Variants in DNM3 observed in about 807,000 individuals in gnomAD.
DNM3 encodes the protein dynamin-3.
Under a neutral mutation model 101.6 loss-of-function variants are expected in DNM3, and 47 were observed. The observed-to-expected ratio is 0.46, with a 90% CI of 0.37 to 0.59. DNM3 has a LOEUF of 0.59. DNM3 is among the 20% of genes least tolerant of loss of function. The pLI, the probability that DNM3 is intolerant of heterozygous loss-of-function variation, is 0.00. For synonymous variants in DNM3, 385 were observed against 387.9 expected (o/e 0.99, Z 0.09); for missense variants, 849 against 1,085.7 (o/e 0.78, Z 3.06).
At chr1:172,029,100 C>A (rs1045740322) in intron 4 of DNM3, among the ~76,000 whole-genome samples, 4 of 152,004 alleles carry the variant, frequency 2.6e-5, no homozygotes, top group Non-Finnish European at 5.9e-5. Flanking sequence ...GGTGGAGACA[C>A]AATAAAAAAA....
intron 2 of DNM3, among the ~76,000 whole-genome samples, chr1:171,963,269 A>G (rs556236762): frequency 1.3e-5 from 2 of 152,324 alleles, no homozygotes; most frequent in East Asian, 3.9e-4. Flanking sequence ...AGTGAAAGGT[A>G]TCAATCTGAA....
At chr1:171,898,680 G>A (rs1013966846) in intron 1 of DNM3, among the ~76,000 whole-genome samples, 19 of 106,432 alleles carry the variant, frequency 1.8e-4, no homozygotes, top group Non-Finnish European at 2.8e-4. Context: ...ATTTAAAAGT[G>A]TGTGTGTATA....
At chr1:171,874,411 G>A (rs2035572463) in intron 1 of DNM3, among the ~76,000 whole-genome samples, 2 of 152,170 alleles carry the variant, frequency 1.3e-5, no homozygotes, top group African/African-American at 2.4e-5. Flanking sequence ...ATTGGTACAA[G>A]TCAAAATAAT....
rs1435263935 is a variant in DNM3, at chr1:172,388,804, C to A, written c.2517C>A (p.Val839=). Residue 839 remains valine (V), a synonymous_variant, in exon 20 of 21, where the codon GTC becomes GTA. Transcript: ENST00000627582. ...PSRPTRAPPS[V]PSRRPPPSPT... ...GGCCTACGAGGGCCCCGCCCAGTGT[C>A]CCAAGGTAAGGCATGGAGCAGAAAT... The A allele has an allele frequency of 2.5e-6, 4 of 1,576,778 alleles. No individual in the cohort carries two copies. Among genetic ancestry groups the A allele is most frequent in the Non-Finnish European group, 3.4e-6 (4 of 1,161,184 alleles).
At chr1:172,283,443 T>C (rs1178249595) in intron 15 of DNM3, among the ~76,000 whole-genome samples, 1 of 152,044 alleles carries the variant, frequency 6.6e-6, no homozygotes, top group African/African-American at 2.4e-5. Flanking sequence ...TTTCAGTCAT[T>C]CCTCAAGTAT....
chr1:172,023,599 C>A (rs1205971262), intron 4 of DNM3, among the ~76,000 whole-genome samples: 1 of 152,000 alleles, frequency 6.6e-6, no homozygotes, highest in African/African-American at 2.4e-5. Context: ...TTTATCAGTT[C>A]CCAGTATTTT....
intron 10 of DNM3, among the ~76,000 whole-genome samples, chr1:172,057,734 A>C (rs970088409): frequency 3.9e-5 from 6 of 151,944 alleles, no homozygotes; most frequent in African/African-American, 1.5e-4. Context: ...CAGCCGCTGC[A>C]AAATCATGCC....
intron 4 of DNM3, among the ~76,000 whole-genome samples, chr1:172,006,921 T>C (rs1018656724): frequency 1.2e-4 from 19 of 152,152 alleles, no homozygotes; most frequent in African/African-American, 4.3e-4. Flanking sequence ...CACTAAGTAC[T>C]CTTTGTGCCT....
intron 4 of DNM3, among the ~76,000 whole-genome samples, chr1:172,006,394 T>C (rs190448136): frequency 4.6e-5 from 7 of 152,222 alleles, no homozygotes; most frequent in Admixed American, 4.6e-4. Context: ...ACAGCCTGCC[T>C]TCTTCTTGTA....
chr1:172,340,678 G>C (rs528895577), intron 17 of DNM3, among the ~76,000 whole-genome samples: 2 of 152,344 alleles, frequency 1.3e-5, no homozygotes, highest in African/African-American at 4.8e-5. Context: ...ATTTCAGTTG[G>C]GGAAGGGGGA....
intron 15 of DNM3, among the ~76,000 whole-genome samples, chr1:172,278,485 A>T (rs139970570): frequency 6.6e-6 from 1 of 152,290 alleles, no homozygotes; most frequent in East Asian, 1.9e-4. Context: ...GTTGGACCAC[A>T]TCCAAAGCCA....
chr1:172,220,521 G>T (rs1179168733), intron 14 of DNM3, among the ~76,000 whole-genome samples: 1 of 152,164 alleles, frequency 6.6e-6, no homozygotes, highest in Admixed American at 6.6e-5. Flanking sequence ...CAGGTGGTAG[G>T]GGAAGTAAGT....
downstream of DNM3, among the ~76,000 whole-genome samples, chr1:172,417,583 A>T (rs554355012): frequency 4.6e-5 from 7 of 152,214 alleles, no homozygotes; most frequent in Admixed American, 6.5e-5. Context: ...TAGCTCTTAG[A>T]CAGAGGGAAA....
At chr1:172,049,177 G>A (rs1157773117) in intron 10 of DNM3, among the ~76,000 whole-genome samples, 4 of 152,096 alleles carry the variant, frequency 2.6e-5, no homozygotes, top group African/African-American at 9.7e-5. Flanking sequence ...TTCTGGGAAG[G>A]GGCAGTGTAG....
At chr1:172,171,693 T>C (rs764096454) in intron 14 of DNM3, among the ~76,000 whole-genome samples, 27 of 151,722 alleles carry the variant, frequency 1.8e-4, no homozygotes, top group Non-Finnish European at 3.4e-4. Flanking sequence ...TGTGTTGATA[T>C]CAACCTTAGA....
At chr1:172,148,660 CTTG>C (rs2058014433) in intron 14 of DNM3, among the ~76,000 whole-genome samples, 1 of 151,970 alleles carries the variant, frequency 6.6e-6, no homozygotes, top group Non-Finnish European at 1.5e-5. Flanking sequence ...TGTTTCCTTT[CTTG>C]TTGTTTTCTC....
chr1:171,918,417 G>A (rs1425758994), intron 1 of DNM3, among the ~76,000 whole-genome samples: 1 of 152,156 alleles, frequency 6.6e-6, no homozygotes, highest in Non-Finnish European at 1.5e-5. Flanking sequence ...CTCATCTCCT[G>A]AGCTCACACA....
intron 1 of DNM3, among the ~76,000 whole-genome samples, chr1:171,903,353 A>G (rs1021290197): frequency 1.3e-4 from 20 of 152,126 alleles, no homozygotes; most frequent in African/African-American, 4.6e-4. Context: ...TTTCCTTTGT[A>G]CTTGGATACC....
chr1:172,288,316 G>A (rs528244084), intron 15 of DNM3, among the ~76,000 whole-genome samples: 48 of 152,332 alleles, frequency 3.2e-4, no homozygotes, highest in African/African-American at 1.1e-3. Flanking sequence ...AGGGGAGATT[G>A]TTCCAGGCAG....
Sources: allele counts gnomAD v4.1 joint callset (sites outside exome capture counted in the v4.1 genomes callset), GRCh38; gene constraint gnomAD v4.1.1; transcripts MANE v1.5; gene names NCBI Gene and HGNC (gene_info 2026-07-23, HGNC 2026-07-21).